HPGDS: variants seen among roughly 807,000 people sequenced by gnomAD.
HPGDS encodes GST class-sigma.
Under a neutral mutation model 23.1 loss-of-function variants are expected in HPGDS, and 26 were observed. The observed-to-expected ratio is 1.13, with a 90% confidence interval of 0.83 to 1.56. The LOEUF (loss-of-function observed/expected upper bound fraction) is 1.56, where lower values mean the gene tolerates loss of function less well. HPGDS is among the 40% of genes most tolerant of loss of function. HPGDS has a pLI of 0.00. For synonymous variants in HPGDS, 95 were observed against 77.9 expected (o/e 1.22, Z -1.16); for missense variants, 268 against 236.4 (o/e 1.13, Z -0.88).
At chr4:94,315,293 C>T (rs368577234) in intron 3 of HPGDS, among the ~76,000 whole-genome samples, 49 of 152,288 alleles carry the variant, frequency 3.2e-4, no homozygotes, top group Non-Finnish European at 6.2e-4. Flanking sequence ...GCCTCTCCCA[C>T]AATTTATTTA....
At chr4:94,324,885 T>C (rs1198842977) in intron 2 of HPGDS, among the ~76,000 whole-genome samples, 1 of 152,196 alleles carries the variant, frequency 6.6e-6, no homozygotes, top group Non-Finnish European at 1.5e-5. Context: ...TTTCTCCCCA[T>C]CTTTGTTGTT....
At chr4:94,329,591 A>T (rs763023116) in intron 2 of HPGDS, among the ~76,000 whole-genome samples, 8 of 152,202 alleles carry the variant, frequency 5.3e-5, no homozygotes, top group Non-Finnish European at 1.0e-4. Flanking sequence ...GAAATGTGAA[A>T]CTAGAATCAA....
Position 94,304,647 on chromosome 4 carries a change from T to C in HPGDS, c.337-2403A>G, listed in dbSNP as rs150241629. Among the ~76,000 whole-genome samples the C allele has an allele frequency of 3.0e-4, 45 of 152,236 alleles. No individual in the cohort carries two copies. The East Asian group carries it at 7.3e-3, about 25-fold the overall frequency. On this transcript the variant is annotated intron_variant, in intron 4 of 5. Transcript: ENST00000295256. ...CATTTTTCATTATATATTAGCCAAG[T>C]CCTGCTTGTTAATTAGATAGTCTAT... is the stretch of plus-strand genomic sequence containing the variant.
At position 94,302,216 on chromosome 4, in the gene HPGDS, T is replaced by C; in HGVS notation, c.365A>G (p.Tyr122Cys). Residue 122 changes from tyrosine (Y) to cysteine (C), a missense_variant, in exon 5 of 6, where the codon TAT becomes TGT. Tyr to Cys is a radical substitution (Grantham distance 194, BLOSUM62 -2). Transcript: ENST00000295256. ...GTCTTGCATAAGATGAGGCGCATTA[T>C]ACGTGAGCAGCTCATTGAACATCTG... ...KEQMFNELLT[Y>C]NAPHLMQDLD... 4 of 1,612,472 alleles carry C rather than the reference T, an allele frequency of 2.5e-6. No homozygotes were observed. The highest frequency in any genetic ancestry group is 3.4e-6 in the Non-Finnish European group (4 of 1,178,882).
chr4:94,337,568 A>G (rs1721047799), intron 1 of HPGDS, among the ~76,000 whole-genome samples: 1 of 151,978 alleles, frequency 6.6e-6, no homozygotes, highest in Non-Finnish European at 1.5e-5. Flanking sequence ...CCAGCTACTC[A>G]GGAGGCTGAG....
chr4:94,324,064 A>C (rs1010412387), intron 2 of HPGDS, among the ~76,000 whole-genome samples: 2 of 152,102 alleles, frequency 1.3e-5, no homozygotes, highest in African/African-American at 2.4e-5. Context: ...AAATTGTTTT[A>C]TTTAAGCATG....
chr4:94,323,338 A>T (rs182400278), intron 2 of HPGDS, among the ~76,000 whole-genome samples: 1 of 152,242 alleles, frequency 6.6e-6, no homozygotes, highest in Non-Finnish European at 1.5e-5. Flanking sequence ...TTTCTCATTG[A>T]TCTGTCTAAT....
At chr4:94,319,001 C>T (rs1756451076) in intron 2 of HPGDS, among the ~76,000 whole-genome samples, 1 of 152,188 alleles carries the variant, frequency 6.6e-6, no homozygotes. Flanking sequence ...GCATGAGCAA[C>T]CACGCCTGGC....
At chr4:94,340,904 G>A (rs1253240158) in intron 1 of HPGDS, among the ~76,000 whole-genome samples, 1 of 143,120 alleles carries the variant, frequency 7.0e-6, no homozygotes, top group East Asian at 2.0e-4. Flanking sequence ...GAGTGCAGTG[G>A]CGCAATCTCG....
At chr4:94,302,498 A>G (rs113972906) in intron 4 of HPGDS, among the ~76,000 whole-genome samples, 3,139 of 152,194 alleles carry the variant, frequency 0.021, 100 homozygotes, top group African/African-American at 0.071. Context: ...GTGTATAATG[A>G]CTAAATATTT....
chr4:94,322,723 T>C (rs1234768573), intron 2 of HPGDS, among the ~76,000 whole-genome samples: 1 of 151,986 alleles, frequency 6.6e-6, no homozygotes, highest in African/African-American at 2.4e-5. Flanking sequence ...GCTCCTGGGT[T>C]CGCTGATTTT....
chr4:94,300,559 C>T (rs1287982949), intron 5 of HPGDS, among the ~76,000 whole-genome samples: 1 of 152,126 alleles, frequency 6.6e-6, no homozygotes, highest in Non-Finnish European at 1.5e-5. Flanking sequence ...GGCTGGAAGA[C>T]TCAGAATTCA....
At chr4:94,313,048 G>T (rs1450372703) in intron 3 of HPGDS, among the ~76,000 whole-genome samples, 1 of 152,036 alleles carries the variant, frequency 6.6e-6, no homozygotes, top group East Asian at 1.9e-4. Context: ...CGTGAGATGG[G>T]TTTCCTGAAT....
chr4:94,308,668 C>T lies in HPGDS; in HGVS notation c.302G>A (p.Cys101Tyr). The T allele has an allele frequency of 6.2e-7, 1 of 1,607,392 alleles. No homozygotes were observed. Among genetic ancestry groups the T allele is most frequent in the Non-Finnish European group, 8.5e-7 (1 of 1,175,280 alleles). ...TTGCTTTTTCTCTGCCCAAGGAAAA[C>T]ATGACATGAAATCATCCAGAGTGTC... The part of the protein sequence containing the change: ...IVDTLDDFMS[C>Y]FPWAEKKQDV... Residue 101 changes from cysteine (C) to tyrosine (Y), a missense_variant, in exon 4 of 6, where the codon TGT (cysteine) becomes TAT (tyrosine). Coordinates refer to ENST00000295256, the MANE Select transcript of HPGDS (RefSeq NM_014485.3).
intron 5 of HPGDS, 108 bp downstream of exon 5, chr4:94,302,038 T>C: frequency 3.4e-6 from 2 of 581,122 alleles, no homozygotes; most frequent in South Asian, 6.5e-5. Flanking sequence ...GTTCTTGCTG[T>C]AAATTCTATC....
chr4:94,328,791 TTA>T (rs1472233461), intron 2 of HPGDS, among the ~76,000 whole-genome samples: 2 of 152,302 alleles, frequency 1.3e-5, no homozygotes, highest in African/African-American at 4.8e-5. Flanking sequence ...AACCAGTGCC[TTA>T]GTTTTGGACA....
intron 1 of HPGDS, among the ~76,000 whole-genome samples, chr4:94,339,016 T>TA (rs1721082767): frequency 6.6e-6 from 1 of 152,178 alleles, no homozygotes; most frequent in African/African-American, 2.4e-5. Flanking sequence ...TGCATTGTCT[T>TA]AAAACAGAAC....
intron 3 of HPGDS, among the ~76,000 whole-genome samples, chr4:94,317,322 G>C (rs1756417353): frequency 6.6e-6 from 1 of 152,124 alleles, no homozygotes; most frequent in South Asian, 2.1e-4. Flanking sequence ...AACAAGAACA[G>C]TTTCTATTGT....
intron 5 of HPGDS, among the ~76,000 whole-genome samples, chr4:94,300,815 A>G (rs1756026152): frequency 1.3e-5 from 2 of 152,166 alleles, no homozygotes; most frequent in Admixed American, 1.3e-4. Flanking sequence ...CTTAAATATA[A>G]AAAAAGATTA....
Sources: gnomAD v4.1 joint callset for allele counts (sites outside exome capture counted in the v4.1 genomes callset) on GRCh38, gnomAD v4.1.1 for gene constraint, MANE v1.5 for transcripts, NCBI Gene and HGNC (gene_info 2026-07-23, HGNC 2026-07-21) for gene names.